CAMK4: variants seen among roughly 807,000 people sequenced by gnomAD.
CAMK4 encodes calcium/calmodulin dependent protein kinase IV.
CAMK4 carries 22 observed loss-of-function variants against 44.9 expected under a neutral mutation model. The observed-to-expected ratio is 0.49, with a 90% CI of 0.35 to 0.70. The LOEUF (loss-of-function observed/expected upper bound fraction) is 0.70. CAMK4 is among the 30% of genes least tolerant of loss of function. CAMK4 has a pLI of 0.01. For missense variants in CAMK4, 498 were observed against 586.8 expected (o/e 0.85, Z 1.56); for synonymous variants, 218 against 215.4 (o/e 1.01, Z -0.11).
intron 5 of CAMK4, among the ~76,000 whole-genome samples, chr5:111,445,073 C>T (rs1484055171): frequency 2.6e-5 from 4 of 152,190 alleles, no homozygotes; most frequent in African/African-American, 9.7e-5. Context: ...TGCCTTGACT[C>T]CACAACTGCA....
chr5:111,262,022 G>A (rs1326089009), intron 1 of CAMK4, among the ~76,000 whole-genome samples: 1 of 152,028 alleles, frequency 6.6e-6, no homozygotes, highest in Non-Finnish European at 1.5e-5. Context: ...TCTTAGGTCT[G>A]CAGAGTCATC....
intron 1 of CAMK4, among the ~76,000 whole-genome samples, chr5:111,241,010 T>A (rs941330925): frequency 6.6e-6 from 1 of 152,188 alleles, no homozygotes; most frequent in Non-Finnish European, 1.5e-5. Context: ...AAAATACTAG[T>A]GCCTTTTTTC....
In CAMK4 at chr5:111,290,015, A is replaced by G. The variant is rs1751383078; in HGVS notation, c.162-54009A>G. Among the ~76,000 whole-genome samples, 1 of 152,234 alleles carries G rather than the reference A, an allele frequency of 6.6e-6. No homozygotes were observed. The highest frequency in any genetic ancestry group is 1.5e-5 in the Non-Finnish European group (1 of 68,042). On this transcript the variant is annotated intron_variant, in intron 1 of 10. Coordinates refer to ENST00000282356, the MANE Select transcript of CAMK4 (RefSeq NM_001744.6). This position sits in a 1 kb window ranked among gnomAD's most constrained non-coding sequence, Gnocchi z 4.5. ...TGGCAGGGTGTAAAGCTGTGGGGAC[A>G]GGAAATACAAATTACACACATGGAA...
At chr5:111,405,244 C>G (rs188876855) in intron 5 of CAMK4, among the ~76,000 whole-genome samples, 1 of 152,072 alleles carries the variant, frequency 6.6e-6, no homozygotes, top group Non-Finnish European at 1.5e-5. Flanking sequence ...CCAAGGCGGG[C>G]GGATCACAAG....
intron 7 of CAMK4, among the ~76,000 whole-genome samples, chr5:111,454,954 C>G (rs1754366838): frequency 6.6e-6 from 1 of 152,086 alleles, no homozygotes; most frequent in Non-Finnish European, 1.5e-5. Flanking sequence ...TATTCAAATT[C>G]TATTTTCAGA....
chr5:111,412,466 G>A (rs1752664454), intron 5 of CAMK4, among the ~76,000 whole-genome samples: 1 of 152,094 alleles, frequency 6.6e-6, no homozygotes, highest in Admixed American at 6.6e-5. Context: ...GCCAGAAGAA[G>A]ATAAACAATA....
At chr5:111,378,100 G>C (rs572418729) in intron 4 of CAMK4, among the ~76,000 whole-genome samples, 1 of 152,120 alleles carries the variant, frequency 6.6e-6, no homozygotes, top group South Asian at 2.1e-4. Context: ...ATCTTTGGGA[G>C]GTCATTAGGT....
At chr5:111,335,140 A>G (rs545648352) in intron 1 of CAMK4, among the ~76,000 whole-genome samples, 1 of 151,630 alleles carries the variant, frequency 6.6e-6, no homozygotes, top group Admixed American at 6.6e-5. Context: ...TGCAAGGAGT[A>G]CATTGTAGAC....
intron 1 of CAMK4, among the ~76,000 whole-genome samples, chr5:111,289,364 A>G (rs1253985325): frequency 6.6e-6 from 1 of 152,194 alleles, no homozygotes; most frequent in African/African-American, 2.4e-5. Context: ...GAAGAAAAAG[A>G]AAAAAGAAAT....
chr5:111,304,029 A>G (rs1300143895), intron 1 of CAMK4, among the ~76,000 whole-genome samples: 1 of 49,436 alleles, frequency 2.0e-5, no homozygotes, highest in Admixed American at 2.4e-4. Flanking sequence ...AAAATACTTT[A>G]TAGACAAGCA....
chr5:111,265,382 A>T (rs1750192668), intron 1 of CAMK4, among the ~76,000 whole-genome samples: 1 of 152,190 alleles, frequency 6.6e-6, no homozygotes, highest in South Asian at 2.1e-4. Context: ...TCATCTGGCT[A>T]CTAAACCATC....
At chr5:111,350,232 A>G (rs1369617278) in intron 2 of CAMK4, among the ~76,000 whole-genome samples, 2 of 152,100 alleles carry the variant, frequency 1.3e-5, no homozygotes, top group Admixed American at 1.3e-4. Context: ...GAAGCATGTA[A>G]TATACATGAT....
At chr5:111,454,893 A>G (rs1754365200) in intron 7 of CAMK4, among the ~76,000 whole-genome samples, 1 of 152,158 alleles carries the variant, frequency 6.6e-6, no homozygotes, top group Admixed American at 6.5e-5. Context: ...CGAATTATCT[A>G]ATTTATTCAT....
At chr5:111,393,617 A>C (rs1751888949) in intron 4 of CAMK4, among the ~76,000 whole-genome samples, 1 of 152,136 alleles carries the variant, frequency 6.6e-6, no homozygotes, top group Admixed American at 6.6e-5. Flanking sequence ...TCCTTAGCAA[A>C]CTAACGCAGG....
At chr5:111,399,069 G>A (rs1443976236) in intron 5 of CAMK4, among the ~76,000 whole-genome samples, 1 of 151,834 alleles carries the variant, frequency 6.6e-6, no homozygotes, top group Non-Finnish European at 1.5e-5. Flanking sequence ...AGCAGCAGTG[G>A]CATCACATTG....
chr5:111,476,368 C>T (rs746765961), intron 8 of CAMK4, among the ~76,000 whole-genome samples: 1 of 151,908 alleles, frequency 6.6e-6, no homozygotes, highest in African/African-American at 2.4e-5. Context: ...CAACCTCCGC[C>T]TTGGGTTCAA....
At chr5:111,331,554 G>C (rs1224301463) in intron 1 of CAMK4, among the ~76,000 whole-genome samples, 1 of 151,704 alleles carries the variant, frequency 6.6e-6, no homozygotes, top group Non-Finnish European at 1.5e-5. Context: ...TGAGGCTCGA[G>C]TAAGATCATT....
rs1204833488 is a variant in CAMK4 at position 111,327,956 on chromosome 5, A to G, written c.162-16068A>G. On this transcript the variant is annotated intron_variant, in intron 1 of 10. Coordinates refer to ENST00000282356, the MANE Select transcript of CAMK4 (RefSeq NM_001744.6). ...TTGCAGAAATTTTCTCCCATGTCGT[A>G]GGTTGCCTGTTCACTCTGATGGTAG... 3.1e-4 allele frequency among the ~76,000 whole-genome samples: 32 copies of G among 103,984 alleles called. 7 individuals are homozygous for G. Among genetic ancestry groups the G allele is most frequent in the Non-Finnish European group, 5.9e-4 (31 of 52,296 alleles). The allele number at this position is 103,984 out of a possible 152,430, so 68.2% of individuals were successfully genotyped here. A position where few individuals can be genotyped will look rare whatever the true frequency, so the allele number is the denominator to read the frequency against.
chr5:111,395,948 G>A (rs1206067092), intron 5 of CAMK4, among the ~76,000 whole-genome samples: 1 of 152,070 alleles, frequency 6.6e-6, no homozygotes, highest in Non-Finnish European at 1.5e-5. Flanking sequence ...TTCGGAGTTA[G>A]TTATTTAACT....
Sources: allele counts gnomAD v4.1 joint callset (sites outside exome capture counted in the v4.1 genomes callset), GRCh38; gene constraint gnomAD v4.1.1; non-coding constraint Gnocchi (gnomAD v3.1); transcripts MANE v1.5; gene names NCBI Gene and HGNC (gene_info 2026-07-23, HGNC 2026-07-21).